The following LIMS2 variants were observed in gnomAD, a reference collection of about 807,000 sequenced individuals.
The protein encoded by LIMS2 is LIM zinc finger domain containing 2.
LIMS2 carries 30 observed loss-of-function variants against 45.3 expected under a neutral mutation model. That is an observed-to-expected ratio of 0.66 (90% CI 0.50 to 0.90). The LOEUF (loss-of-function observed/expected upper bound fraction) is 0.90. Among genes scored for constraint, LIMS2 ranks in the 40% least tolerant of loss-of-function variants. The pLI, the probability that LIMS2 is intolerant of heterozygous loss-of-function variation, is 0.00. For synonymous variants in LIMS2, 173 were observed against 188.0 expected (o/e 0.92, Z 0.65); for missense variants, 485 against 468.7 (o/e 1.03, Z -0.32).
At chr2:127,679,364 G>A (rs1238642430), upstream of LIMS2, among the ~76,000 whole-genome samples, 1 of 152,144 alleles carries the variant, frequency 6.6e-6, no homozygotes, top group Non-Finnish European at 1.5e-5. The surrounding 1 kb of genome is among the most constrained non-coding windows in gnomAD (Gnocchi z 5.3). Context: ...AGAATGCAGT[G>A]TCCATTCCCA....
intron 1 of LIMS2, among the ~76,000 whole-genome samples, chr2:127,666,003 G>C (rs1404711525): frequency 6.6e-6 from 1 of 152,138 alleles, no homozygotes; most frequent in African/African-American, 2.4e-5. Flanking sequence ...AATTGAGAGA[G>C]GCTTAGAGTC....
chr2:127,665,778 A>T (rs1684968739), intron 1 of LIMS2, among the ~76,000 whole-genome samples: 1 of 152,334 alleles, frequency 6.6e-6, no homozygotes, highest in East Asian at 1.9e-4. Flanking sequence ...GAAATCCTCA[A>T]CACTAGAATC....
chr2:127,650,957 C>T (rs369831546), intron 4 of LIMS2: 117 of 1,613,792 alleles, frequency 7.3e-5, no homozygotes, highest in Admixed American at 4.8e-4. Context: ...TGCATCTGGC[C>T]GTGGCCGACT....
chr2:127,663,861 C>T (rs1374314400), intron 1 of LIMS2, among the ~76,000 whole-genome samples: 2 of 152,212 alleles, frequency 1.3e-5, no homozygotes, highest in Non-Finnish European at 2.9e-5. Flanking sequence ...CCATCCAGAG[C>T]CAACTCATTC....
upstream of LIMS2, among the ~76,000 whole-genome samples, chr2:127,677,441 G>C (rs537975154): frequency 4.0e-4 from 61 of 152,300 alleles, no homozygotes; most frequent in Middle Eastern, 3.4e-3. The surrounding 1 kb of genome is among the most constrained non-coding windows in gnomAD (Gnocchi z 5.0). Flanking sequence ...CTGAGCAGGT[G>C]ACATTCAAGC....
At chr2:127,649,954 G>T in intron 4 of LIMS2, 1 of 1,422,230 alleles carries the variant, frequency 7.0e-7, no homozygotes, top group South Asian at 1.2e-5. Context: ...AATACTCCCA[G>T]CTGGCCTGAT....
chr2:127,644,493 G>T (rs1333644368), intron 4 of LIMS2, among the ~76,000 whole-genome samples: 1 of 152,182 alleles, frequency 6.6e-6, no homozygotes, highest in Non-Finnish European at 1.5e-5. Context: ...CAGGTCTGGG[G>T]CTGAGCTGCC....
At chr2:127,666,487 G>A (rs746957849) in intron 1 of LIMS2, among the ~76,000 whole-genome samples, 2 of 152,190 alleles carry the variant, frequency 1.3e-5, no homozygotes, top group South Asian at 2.1e-4. Context: ...ATAATAGCTC[G>A]TGGTCCCAGT....
At chr2:127,643,700 T>C (rs1170051989) in intron 4 of LIMS2, 1 of 424,606 alleles carries the variant, frequency 2.4e-6, no homozygotes, top group African/African-American at 2.0e-5. Flanking sequence ...GAGAGACAAA[T>C]CAACATGGTT....
At chr2:127,663,596 T>C (rs918725337) in intron 1 of LIMS2, among the ~76,000 whole-genome samples, 2 of 152,000 alleles carry the variant, frequency 1.3e-5, no homozygotes, top group Non-Finnish European at 2.9e-5. Context: ...CTCCCCTACC[T>C]CTGCGACTTA....
In LIMS2 at chr2:127,650,936, C is replaced by T. The variant is rs759123025; in HGVS notation, c.359+3488G>A. On this transcript the variant is annotated intron_variant, in intron 4 of 9. Transcript: ENST00000355119. ...ACCACAAGTCCGGGACCCCGGCCAA[C>T]GTGTTCCTGATGCATCTGGCCGTGG... is the stretch of plus-strand genomic sequence containing the variant. The T allele has an allele frequency of 1.8e-5, 29 of 1,613,882 alleles. No individual in the cohort carries two copies. In the Admixed American group the frequency reaches 2.2e-4, roughly 12 times the overall value.
Position 127,671,427 on chromosome 2 carries a change from C to T in LIMS2, c.11+3587G>A, listed in dbSNP as rs1428931761. Among the ~76,000 whole-genome samples the T allele has an allele frequency of 6.9e-6, 1 of 145,366 alleles. No homozygotes were observed. The highest frequency in any genetic ancestry group is 2.6e-5 in the African/African-American group (1 of 38,296). The stretch of plus-strand genomic sequence containing the variant: ...CAGCTTGGGTGACAGAGCGAGACTC[C>T]ATCTCAAAAAAAAAAAAAAGAGCCT... On this transcript the variant is annotated intron_variant, in intron 1 of 9. Coordinates refer to ENST00000355119, the MANE Select transcript of LIMS2 (RefSeq NM_001161403.3). The surrounding 1 kb of genome is among the most constrained non-coding windows in gnomAD (Gnocchi z 4.1).
chr2:127,677,720 A>G (rs568701728), upstream of LIMS2, among the ~76,000 whole-genome samples: 8 of 152,366 alleles, frequency 5.3e-5, no homozygotes, highest in African/African-American at 1.9e-4. This position sits in a 1 kb window ranked among gnomAD's most constrained non-coding sequence, Gnocchi z 5.0. Flanking sequence ...ACAACACTCT[A>G]GCATCAGCAG....
intron 1 of LIMS2, among the ~76,000 whole-genome samples, chr2:127,657,894 A>G (rs1189030045): frequency 2.6e-5 from 4 of 152,200 alleles, no homozygotes; most frequent in African/African-American, 7.2e-5. Context: ...TGCAGCTACT[A>G]TTATTATGGC....
In LIMS2 at chr2:127,663,924, CT is replaced by C. The variant is rs553320081; in HGVS notation, c.12-6363del. Among the ~76,000 whole-genome samples, 115 of 152,296 alleles carry C rather than the reference CT, an allele frequency of 7.6e-4. 1 individual carries two copies. Among genetic ancestry groups the C allele is most frequent in the African/African-American group, 2.6e-3 (108 of 41,566 alleles). ...ACCCCACTGCTGGAGTCAGTCTAAC[CT>C]GGGTTCAAATCACAGCATAGCCATG... On this transcript the variant is annotated intron_variant, in intron 1 of 9. Coordinates refer to ENST00000355119, the MANE Select transcript of LIMS2 (RefSeq NM_001161403.3).
chr2:127,660,487 C>T (rs911845600), intron 1 of LIMS2, among the ~76,000 whole-genome samples: 10 of 152,274 alleles, frequency 6.6e-5, no homozygotes, highest in African/African-American at 2.4e-4. Context: ...GGGGAGGAAT[C>T]GTTTCGAGGA....
chr2:127,680,787 G>A (rs6726266), intron 1 of LIMS2, among the ~76,000 whole-genome samples: 10,381 of 152,218 alleles, frequency 0.068, 763 homozygotes, highest in African/African-American at 0.19. Flanking sequence ...TCTCACTCTC[G>A]CCTTTGCTCT....
chr2:127,657,244 G>T (rs1374726682), intron 2 of LIMS2, among the ~76,000 whole-genome samples, 159 bp downstream of exon 2: 1 of 152,234 alleles, frequency 6.6e-6, no homozygotes, highest in Non-Finnish European at 1.5e-5. Flanking sequence ...ACATCTCACA[G>T]GTGAAGGATG....
chr2:127,651,276 T>G, intron 4 of LIMS2: 1 of 1,606,924 alleles, frequency 6.2e-7, no homozygotes, highest in Non-Finnish European at 8.5e-7. Context: ...CACGGTGGTC[T>G]GCCTGCAGCT....
Sources: gnomAD v4.1 joint callset for allele counts (sites outside exome capture counted in the v4.1 genomes callset) on GRCh38, gnomAD v4.1.1 for gene constraint, Gnocchi (gnomAD v3.1) non-coding constraint, MANE v1.5 for transcripts, NCBI Gene and HGNC (gene_info 2026-07-23, HGNC 2026-07-21) for gene names.